Variants in VIPR2 observed in about 807,000 individuals in gnomAD.
VIPR2 encodes the protein vasoactive intestinal polypeptide receptor 2.
Under a neutral mutation model 58.0 loss-of-function variants are expected in VIPR2, and 48 were observed. The ratio of observed to expected loss-of-function variants is 0.83; its 90% CI spans 0.66 to 1.05. The LOEUF (loss-of-function observed/expected upper bound fraction) is 1.05, where lower values mean the gene tolerates loss of function less well. Among genes scored for constraint, VIPR2 ranks in the 50% least tolerant of loss-of-function variants. The probability of loss-of-function intolerance (pLI) is 0.00; values close to 1 mark genes in which losing one functional copy is unlikely to be tolerated. For missense variants in VIPR2, 534 were observed against 558.0 expected, an observed-to-expected ratio of 0.96 and a Z score of 0.43; for synonymous variants, 243 against 235.2, an observed-to-expected ratio of 1.03 and a Z score of -0.30.
At chr7:159,050,788 A>T (rs1329123324) in intron 5 of VIPR2, among the ~76,000 whole-genome samples, 3 of 70,854 alleles carry the variant, frequency 4.2e-5, no homozygotes, top group Non-Finnish European at 7.7e-5. Flanking sequence ...AACTCTACAA[A>T]CCCCAAGAAG....
At chr7:159,092,712 G>A (rs1857575100) in intron 4 of VIPR2, among the ~76,000 whole-genome samples, 1 of 148,572 alleles carries the variant, frequency 6.7e-6, no homozygotes, top group African/African-American at 2.5e-5. Context: ...GTGCAGTGGT[G>A]CAATCTTGGC....
At chr7:159,101,591 C>A (rs1453785156) in intron 4 of VIPR2, among the ~76,000 whole-genome samples, 1 of 116,936 alleles carries the variant, frequency 8.6e-6, no homozygotes, top group Admixed American at 9.0e-5. Flanking sequence ...CGAGATCCGA[C>A]GAGGCGGTTC....
intron 2 of VIPR2, among the ~76,000 whole-genome samples, chr7:159,131,202 A>C (rs1235045762): frequency 1.3e-5 from 2 of 152,206 alleles, no homozygotes; most frequent in Admixed American, 6.5e-5. Flanking sequence ...AGAAGAGAAA[A>C]TGCTGATTTC....
Position 159,031,468 on chromosome 7 carries a change from C to T in VIPR2, c.1143+360G>A. 1.0e-6 allele frequency: 1 copy of T among 985,254 alleles called. No homozygotes were observed. The highest frequency in any genetic ancestry group is 1.2e-6 in the Non-Finnish European group (1 of 829,892). 61.0% of individuals were successfully genotyped at this position (985,254 alleles called of 1,614,324 possible). A position where few individuals can be genotyped will look rare whatever the true frequency, so the allele number is the denominator to read the frequency against. The stretch of plus-strand genomic sequence containing the variant: ...GACGCTGTGCAGCCCCACCCCCCAA[C>T]CCAGGCCCGGCTTTCTGGGACTCAC... On this transcript the variant is annotated intron_variant, in intron 12 of 12. Coordinates refer to ENST00000262178, the MANE Select transcript of VIPR2 (RefSeq NM_003382.5). This position sits in a 1 kb window ranked among gnomAD's most constrained non-coding sequence, Gnocchi z 4.0.
chr7:159,117,942 A>C lies in VIPR2; in HGVS notation c.152-8023T>G, dbSNP rs575856975. 4.6e-5 allele frequency among the ~76,000 whole-genome samples: 7 copies of C among 152,204 alleles called. 1 individual carries two copies. Among genetic ancestry groups the C allele is most frequent in the Admixed American group, 2.6e-4 (4 of 15,286 alleles). ...TTGCCTCCAACGCATTTAGAAGCAAATATTTCCAATCGCATCCTCCACTCA... is the reference window on the plus strand; with the variant it reads ...TTGCCTCCAACGCATTTAGAAGCAACTATTTCCAATCGCATCCTCCACTCA... On this transcript the variant is annotated intron_variant, in intron 2 of 12. Transcript: ENST00000262178.
At chr7:159,034,768 T>C (rs1344029774) in intron 8 of VIPR2, 118 bp from the exon 9 acceptor site, 2 of 772,344 alleles carry the variant, frequency 2.6e-6, no homozygotes, top group African/African-American at 1.7e-5. Flanking sequence ...AAGCACAATT[T>C]CTCTGCACTG....
Position 159,030,582 on chromosome 7 carries a change from G to A in VIPR2, c.*34C>T, listed in dbSNP as rs1467979068. On this transcript the variant is annotated 3_prime_UTR_variant, in exon 13 of 13. Coordinates refer to ENST00000262178, the MANE Select transcript of VIPR2 (RefSeq NM_003382.5). ...AGCCCCGCAGAAGCCCCGAACCGTG[G>A]GCCTCCCGCCGCGTCCGACAGGCAG... The A allele has an allele frequency of 6.7e-7, 1 of 1,499,818 alleles. No individual in the cohort carries two copies. The highest frequency in any genetic ancestry group is 1.4e-5 in the African/African-American group (1 of 71,676). The allele number at this position is 1,499,818 out of a possible 1,614,324, so 92.9% of individuals were successfully genotyped here. A position where few individuals can be genotyped will look rare whatever the true frequency, so the allele number is the denominator to read the frequency against.
chr7:159,134,012 C>T (rs2129497781), intron 2 of VIPR2, among the ~76,000 whole-genome samples: 1 of 152,218 alleles, frequency 6.6e-6, no homozygotes, highest in Middle Eastern at 3.4e-3. Flanking sequence ...AAACAGTTTC[C>T]AAAATATTTT....
chr7:159,144,016 G>C (rs558693380), intron 1 of VIPR2, among the ~76,000 whole-genome samples: 51 of 152,360 alleles, frequency 3.3e-4, no homozygotes, highest in African/African-American at 1.2e-3. Flanking sequence ...GATCGATCCA[G>C]ACCTGCCTCG....
intron 1 of VIPR2, 69 bp downstream of exon 1, chr7:159,144,652 G>A: frequency 6.5e-6 from 9 of 1,374,662 alleles, no homozygotes; most frequent in Non-Finnish European, 7.6e-6. Context: ...CCGGCGGGAG[G>A]AGCGCTCTTC....
At chr7:159,081,090 C>A (rs559152914) in intron 4 of VIPR2, among the ~76,000 whole-genome samples, 1 of 152,322 alleles carries the variant, frequency 6.6e-6, no homozygotes, top group Non-Finnish European at 1.5e-5. Context: ...CTACCAATGA[C>A]TTTCTTCACA....
intron 4 of VIPR2, among the ~76,000 whole-genome samples, chr7:159,061,510 G>A (rs1855650688): frequency 6.6e-6 from 1 of 151,864 alleles, no homozygotes; most frequent in Non-Finnish European, 1.5e-5. Flanking sequence ...ATAATTAGCC[G>A]GGTGTGGCTG....
At chr7:159,133,029 T>TTGGCATACAGATTGA (rs1585563303) in intron 2 of VIPR2, among the ~76,000 whole-genome samples, 4 of 88,412 alleles carry the variant, frequency 4.5e-5, no homozygotes, top group East Asian at 5.0e-4. Context: ...GACAGAATGA[T>TTGGCATACAGATTGA]TCCAAAAATG....
At chr7:159,045,347 C>G (rs1210463419) in intron 5 of VIPR2, among the ~76,000 whole-genome samples, 1 of 152,208 alleles carries the variant, frequency 6.6e-6, no homozygotes, top group Admixed American at 6.5e-5. Context: ...CAATTTCAAA[C>G]TTACTACAGA....
chr7:159,045,956 C>T (rs1467293157), intron 5 of VIPR2, among the ~76,000 whole-genome samples: 1 of 150,978 alleles, frequency 6.6e-6, no homozygotes, highest in African/African-American at 2.4e-5. Flanking sequence ...AAAAACTCAA[C>T]TATCTATTTC....
chr7:159,085,133 T>G (rs1684842477), intron 4 of VIPR2, among the ~76,000 whole-genome samples: 1 of 152,230 alleles, frequency 6.6e-6, no homozygotes, highest in African/African-American at 2.4e-5. Context: ...AGCATCAGAT[T>G]CTACAAGTCA....
At position 159,143,449 on chromosome 7, in the gene VIPR2, C is replaced by T. The variant is rs146731547; in HGVS notation, c.52-904G>A. Among the ~76,000 whole-genome samples, 1,163 of 152,210 alleles carry T rather than the reference C, an allele frequency of 7.6e-3. 17 individuals are homozygous for T. Among genetic ancestry groups the T allele is most frequent in the African/African-American group, 0.027 (1,103 of 41,528 alleles). ...ATCATACTGTTGGGCGTACTATGGC[C>T]ATCTATGTTTAGTTATCTTACTATT... On this transcript the variant is annotated intron_variant, in intron 1 of 12. Transcript: ENST00000262178.
chr7:159,124,720 T>G (rs1796592981), intron 2 of VIPR2, among the ~76,000 whole-genome samples: 1 of 152,230 alleles, frequency 6.6e-6, no homozygotes, highest in Non-Finnish European at 1.5e-5. Context: ...ATTGAATCTA[T>G]ATGGCAGTAT....
chr7:159,100,735 G>A (rs1291229501), intron 4 of VIPR2, among the ~76,000 whole-genome samples: 4 of 152,184 alleles, frequency 2.6e-5, no homozygotes, highest in Non-Finnish European at 5.9e-5. Context: ...GATCCGATGA[G>A]GCGGTTCCGA....
Sources: allele counts gnomAD v4.1 joint callset (sites outside exome capture counted in the v4.1 genomes callset), GRCh38; gene constraint gnomAD v4.1.1; non-coding constraint Gnocchi (gnomAD v3.1); transcripts MANE v1.5; gene names NCBI Gene and HGNC (gene_info 2026-07-23, HGNC 2026-07-21).